Variants in TBC1D23 observed in about 807,000 individuals in gnomAD.
TBC1D23 encodes the protein HCV non-structural protein 4A-transactivated protein 1.
Under a neutral mutation model 91.4 loss-of-function variants are expected in TBC1D23, and 55 were observed. The observed-to-expected ratio is 0.60, with a 90% CI of 0.48 to 0.75. The LOEUF (loss-of-function observed/expected upper bound fraction) is 0.75. Ranked by LOEUF, TBC1D23 falls within the 30% of genes least tolerant of loss-of-function variation. TBC1D23 has a pLI of 0.00. For synonymous variants in TBC1D23, 289 were observed against 281.0 expected (o/e 1.03, Z -0.28); for missense variants, 725 against 836.1 (o/e 0.87, Z 1.64).
At chr3:100,267,870 A>G (rs1231092639) in intron 1 of TBC1D23, among the ~76,000 whole-genome samples, 1 of 152,238 alleles carries the variant, frequency 6.6e-6, no homozygotes, top group Non-Finnish European at 1.5e-5. Context: ...AAACAGCTCT[A>G]TGAGAAAGCA....
At chr3:100,289,422 G>C (rs1411069204) in intron 4 of TBC1D23, among the ~76,000 whole-genome samples, 1 of 152,112 alleles carries the variant, frequency 6.6e-6, no homozygotes, top group Non-Finnish European at 1.5e-5. Context: ...TTTTCTAAGA[G>C]TGCTGTGTAT....
intron 16 of TBC1D23, among the ~76,000 whole-genome samples, chr3:100,316,603 G>A (rs1467321447): frequency 6.6e-6 from 1 of 152,036 alleles, no homozygotes; most frequent in Non-Finnish European, 1.5e-5. Flanking sequence ...TCCAAGTGAT[G>A]GGATTGAAAT....
chr3:100,295,690 C>T (rs2067832975), intron 7 of TBC1D23, among the ~76,000 whole-genome samples: 1 of 152,034 alleles, frequency 6.6e-6, no homozygotes, highest in Non-Finnish European at 1.5e-5. Flanking sequence ...ATTGTGAAAC[C>T]TTGGTTCTCC....
intron 10 of TBC1D23, 109 bp from the exon 11 acceptor site, chr3:100,301,958 T>G: frequency 1.4e-6 from 1 of 734,744 alleles, no homozygotes; most frequent in Middle Eastern, 3.8e-4. Context: ...CCCTTCATTT[T>G]CATTGTGGCT....
chr3:100,271,802 T>C (rs1217918543), intron 1 of TBC1D23, among the ~76,000 whole-genome samples: 1 of 152,162 alleles, frequency 6.6e-6, no homozygotes, highest in Non-Finnish European at 1.5e-5. Flanking sequence ...GAAGCCCACA[T>C]TGAGTAGAGT....
intron 15 of TBC1D23, among the ~76,000 whole-genome samples, chr3:100,312,407 C>T (rs1705640172): frequency 1.3e-5 from 2 of 152,064 alleles, no homozygotes; most frequent in African/African-American, 2.4e-5. Flanking sequence ...CAAGAAACTA[C>T]AGTTCTAGGG....
intron 11 of TBC1D23, among the ~76,000 whole-genome samples, chr3:100,302,994 A>G (rs1337911512): frequency 1.3e-5 from 2 of 152,232 alleles, no homozygotes; most frequent in African/African-American, 4.8e-5. Context: ...ATACATATGC[A>G]TATTCATTCA....
chr3:100,316,130 C>G lies in TBC1D23; in HGVS notation c.1630C>G (p.Pro544Ala), dbSNP rs1191376449. The change falls in exon 16 of 19, where the codon CCT becomes GCT. Residue 544 changes from proline to alanine, a missense_variant. By Grantham distance (27) the Pro-to-Ala change is conservative. Coordinates refer to ENST00000394144, the MANE Select transcript of TBC1D23 (RefSeq NM_001199198.3). ...HVSSSDRVGK[P>A]YRGVKPVFSI... ...GAGCAGCAGTGACAGAGTGGGCAAG[C>G]CTTACCGTGGCGTAAAGCCTGTTTT... The G allele has an allele frequency of 5.0e-6, 8 of 1,613,916 alleles. No homozygotes were observed. The highest frequency in any genetic ancestry group is 6.8e-6 in the Non-Finnish European group (8 of 1,179,954).
In TBC1D23 at chr3:100,260,994, C is replaced by G; in HGVS notation, c.-25C>G. Reference sequence around the variant, plus strand: ...TCTCAGCGCCGGATCCACTTTTCGGCAAAGTGACGTGGACGTCAACAGCAA... The same window carrying G: ...TCTCAGCGCCGGATCCACTTTTCGGGAAAGTGACGTGGACGTCAACAGCAA... On this transcript the variant is annotated 5_prime_UTR_variant, in exon 1 of 19. Transcript: ENST00000394144. 1.2e-6 allele frequency: 2 copies of G among 1,610,994 alleles called. No individual in the cohort carries two copies. The highest frequency in any genetic ancestry group is 2.2e-5 in the South Asian group (2 of 90,998).
At chr3:100,300,474 A>G (rs971751435) in intron 10 of TBC1D23, among the ~76,000 whole-genome samples, 2 of 150,642 alleles carry the variant, frequency 1.3e-5, no homozygotes, top group African/African-American at 2.4e-5. Flanking sequence ...AATTTACTCA[A>G]GTGATTCATG....
intron 5 of TBC1D23, among the ~76,000 whole-genome samples, chr3:100,293,219 C>T (rs1479633358): frequency 3.3e-5 from 5 of 152,054 alleles, no homozygotes; most frequent in East Asian, 1.9e-4. Context: ...CTGCAAGCTC[C>T]GCCTCCTGGG....
intron 3 of TBC1D23, among the ~76,000 whole-genome samples, chr3:100,282,787 C>G (rs1326616499): frequency 6.6e-6 from 1 of 152,292 alleles, no homozygotes; most frequent in Middle Eastern, 3.4e-3. Context: ...ATTATAGCAA[C>G]AACTGCCCAT....
chr3:100,310,890 ACTT>A (rs555683076), intron 14 of TBC1D23, among the ~76,000 whole-genome samples: 132 of 152,250 alleles, frequency 8.7e-4, no homozygotes, highest in African/African-American at 2.8e-3. Context: ...CATAGTAGGA[ACTT>A]CTTCTTCTGC....
chr3:100,296,976 T>C (rs1285584150), intron 8 of TBC1D23, among the ~76,000 whole-genome samples: 2 of 152,022 alleles, frequency 1.3e-5, no homozygotes, highest in East Asian at 1.9e-4. Context: ...AGCTGTCTTA[T>C]AAAGAAAGGT....
intron 8 of TBC1D23, among the ~76,000 whole-genome samples, chr3:100,297,238 G>T (rs933654089): frequency 1.3e-5 from 2 of 152,134 alleles, no homozygotes; most frequent in African/African-American, 4.8e-5. Flanking sequence ...TCACTGAAGT[G>T]TCAAGATAAA....
rs1041526455 is a variant in TBC1D23 at position 100,324,111 on chromosome 3, G to A, written c.*443G>A. 3 of 152,080 alleles carry A rather than the reference G, an allele frequency of 2.0e-5. No homozygotes were observed. The highest frequency in any genetic ancestry group is 2.9e-5 in the Non-Finnish European group (2 of 68,004). 9.4% of individuals were successfully genotyped at this position (152,080 alleles called of 1,614,324 possible). On this transcript the variant is annotated 3_prime_UTR_variant, in exon 19 of 19. Coordinates refer to ENST00000394144, the MANE Select transcript of TBC1D23 (RefSeq NM_001199198.3). ...ATTGCTACATTGTTTTACTCACTGA[G>A]CAATATCAGAAACTAAAACATAGAT...
intron 10 of TBC1D23, 131 bp from the exon 11 acceptor site, chr3:100,301,936 A>T (rs1705440903): frequency 1.6e-6 from 1 of 629,096 alleles, no homozygotes; most frequent in South Asian, 2.1e-5. Context: ...TATTTATAAG[A>T]GCCTTTTTTT....
chr3:100,286,177 T>G (rs1185716345), intron 4 of TBC1D23, among the ~76,000 whole-genome samples: 1 of 152,170 alleles, frequency 6.6e-6, no homozygotes, highest in Non-Finnish European at 1.5e-5. Context: ...GAATTCATAT[T>G]TAGGAGTCAT....
chr3:100,269,085 G>C (rs148938659), intron 1 of TBC1D23, among the ~76,000 whole-genome samples: 16 of 152,258 alleles, frequency 1.1e-4, no homozygotes, highest in African/African-American at 3.4e-4. Flanking sequence ...TAAAACACCT[G>C]TTCCATTTGT....
Sources: allele counts gnomAD v4.1 joint callset (sites outside exome capture counted in the v4.1 genomes callset), GRCh38; gene constraint gnomAD v4.1.1; transcripts MANE v1.5; gene names NCBI Gene and HGNC (gene_info 2026-07-23, HGNC 2026-07-21).